The following CADM2 variants were observed in gnomAD, a reference collection of about 807,000 sequenced individuals.
The protein encoded by CADM2 is cell adhesion molecule 2.
Under a neutral mutation model 49.8 loss-of-function variants are expected in CADM2, and 12 were observed. The observed-to-expected ratio is 0.24, with a 90% CI of 0.15 to 0.39. The LOEUF is 0.39. Ranked by LOEUF, CADM2 falls within the 10% of genes least tolerant of loss-of-function variation. The pLI, the probability that CADM2 is intolerant of heterozygous loss-of-function variation, is 1.00. For missense variants in CADM2, 378 were observed against 492.3 expected (o/e 0.77, Z 2.20); for synonymous variants, 214 against 175.4 (o/e 1.22, Z -1.74).
intron 7 of CADM2, among the ~76,000 whole-genome samples, chr3:85,949,946 T>C (rs896338238): frequency 2.6e-5 from 4 of 151,128 alleles, no homozygotes; most frequent in Non-Finnish European, 5.9e-5. Flanking sequence ...AGGATGCTTA[T>C]AGAAACATTT....
At chr3:85,502,790 T>A (rs138531708) in intron 1 of CADM2, among the ~76,000 whole-genome samples, 69 of 152,276 alleles carry the variant, frequency 4.5e-4, no homozygotes, top group African/African-American at 1.5e-3. Flanking sequence ...AGCTAACTAG[T>A]AATCTTAAGT....
intron 3 of CADM2, among the ~76,000 whole-genome samples, chr3:85,813,032 T>C (rs921009339): frequency 1.3e-5 from 2 of 152,136 alleles, no homozygotes; most frequent in African/African-American, 4.8e-5. Flanking sequence ...GTCTTTATAG[T>C]AGAATAATTT....
chr3:85,817,199 C>T (rs987931593), intron 3 of CADM2, among the ~76,000 whole-genome samples: 2 of 152,130 alleles, frequency 1.3e-5, no homozygotes, highest in Admixed American at 1.3e-4. Flanking sequence ...CCTGGTTTTA[C>T]ACCTTTTAAT....
intron 1 of CADM2, among the ~76,000 whole-genome samples, chr3:85,452,703 CAGA>C (rs2037806779): frequency 6.6e-6 from 1 of 152,232 alleles, no homozygotes; most frequent in South Asian, 2.1e-4. Context: ...AGATAATTCT[CAGA>C]AGAACTGTCA....
At chr3:85,743,573 C>A (rs1315604312) in intron 2 of CADM2, among the ~76,000 whole-genome samples, 1 of 152,146 alleles carries the variant, frequency 6.6e-6, no homozygotes, top group Non-Finnish European at 1.5e-5. Context: ...GCCTCCTAAC[C>A]AGCCTGGGGC....
At chr3:86,006,431 G>C (rs1042624411) in intron 8 of CADM2, among the ~76,000 whole-genome samples, 1 of 152,182 alleles carries the variant, frequency 6.6e-6, no homozygotes, top group Non-Finnish European at 1.5e-5. Flanking sequence ...CAGATAAGCT[G>C]TGTGTGACCT....
chr3:85,488,582 A>G (rs1209727522), intron 1 of CADM2, among the ~76,000 whole-genome samples: 1 of 151,920 alleles, frequency 6.6e-6, no homozygotes, highest in Non-Finnish European at 1.5e-5. Context: ...ACCAGGCTGG[A>G]GTGCAATGGT....
chr3:85,326,702 C>G (rs1201654854), intron 1 of CADM2, among the ~76,000 whole-genome samples: 3 of 152,128 alleles, frequency 2.0e-5, no homozygotes, highest in African/African-American at 7.2e-5. Flanking sequence ...ACTGCCTACC[C>G]AGGCATGAAC....
chr3:85,955,272 T>G (rs1348715016), intron 7 of CADM2, among the ~76,000 whole-genome samples: 1 of 151,322 alleles, frequency 6.6e-6, no homozygotes, highest in African/African-American at 2.4e-5. Flanking sequence ...CCCCAACATA[T>G]CCTATCTTTA....
intron 1 of CADM2, among the ~76,000 whole-genome samples, chr3:85,708,791 A>C (rs2067026423): frequency 6.6e-6 from 1 of 152,168 alleles, no homozygotes; most frequent in Non-Finnish European, 1.5e-5. Flanking sequence ...AGTGACAATG[A>C]ACTTGATGTT....
intron 1 of CADM2, among the ~76,000 whole-genome samples, chr3:85,111,137 T>C (rs2107569340): frequency 6.6e-6 from 1 of 152,060 alleles, no homozygotes; most frequent in African/African-American, 2.4e-5. Context: ...AAGTATCTGC[T>C]TTCCTTCTTG....
At chr3:85,008,094 A>G (rs2033824707) in intron 1 of CADM2, among the ~76,000 whole-genome samples, 1 of 152,164 alleles carries the variant, frequency 6.6e-6, no homozygotes, top group Admixed American at 6.6e-5. Flanking sequence ...TGGCTCAACT[A>G]CCTAAAACAC....
chr3:85,662,850 G>A (rs1481508720), intron 1 of CADM2, among the ~76,000 whole-genome samples: 3 of 151,926 alleles, frequency 2.0e-5, no homozygotes, highest in South Asian at 4.2e-4. Flanking sequence ...TATGAACATC[G>A]TGAGAGCCAA....
intron 8 of CADM2, among the ~76,000 whole-genome samples, chr3:86,002,416 C>T (rs1192232208): frequency 6.6e-6 from 1 of 152,072 alleles, no homozygotes; most frequent in African/African-American, 2.4e-5. Context: ...GACAGATGTC[C>T]AATTTTATTC....
At chr3:85,683,437 A>G (rs2066098312) in intron 1 of CADM2, among the ~76,000 whole-genome samples, 1 of 152,198 alleles carries the variant, frequency 6.6e-6, no homozygotes, top group Admixed American at 6.5e-5. Flanking sequence ...TTTGATAAAT[A>G]GAACCCTTAG....
intron 1 of CADM2, among the ~76,000 whole-genome samples, chr3:85,402,358 C>A (rs2035156005): frequency 6.6e-6 from 1 of 151,584 alleles, no homozygotes; most frequent in African/African-American, 2.4e-5. Context: ...TACATAATTC[C>A]TTCTATATAG....
intron 7 of CADM2, among the ~76,000 whole-genome samples, chr3:85,952,134 C>T (rs143515819): frequency 4.6e-5 from 7 of 150,714 alleles, no homozygotes; most frequent in Non-Finnish European, 1.0e-4. Flanking sequence ...GTCATCATGG[C>T]GGAGGTGGAG....
chr3:85,989,871 G>A (rs1728543935), intron 8 of CADM2, among the ~76,000 whole-genome samples: 1 of 151,414 alleles, frequency 6.6e-6, no homozygotes, highest in South Asian at 2.1e-4. Flanking sequence ...AAATTAACTG[G>A]GCATGGTGGT....
intron 1 of CADM2, among the ~76,000 whole-genome samples, chr3:85,335,724 T>C (rs2045062873): frequency 6.6e-6 from 1 of 151,544 alleles, no homozygotes; most frequent in South Asian, 2.1e-4. Flanking sequence ...GAGATGATTG[T>C]CTATTCATAT....
Sources: allele counts gnomAD v4.1 joint callset (sites outside exome capture counted in the v4.1 genomes callset), GRCh38; gene constraint gnomAD v4.1.1; transcripts MANE v1.5; gene names NCBI Gene and HGNC (gene_info 2026-07-23, HGNC 2026-07-21).